CDHR3: variants seen among roughly 807,000 people sequenced by gnomAD.
CDHR3 encodes the protein cadherin-related family member 3.
A neutral mutation model predicts 86.6 loss-of-function variants in CDHR3; 79 were observed. That is an observed-to-expected ratio of 0.91 (90% CI 0.76 to 1.10). The LOEUF is 1.10. Ranked by LOEUF, CDHR3 falls within the 50% of genes least tolerant of loss-of-function variation. The pLI is 0.00. For missense variants in CDHR3, 1,081 were observed against 1,077.6 expected (o/e 1.00, Z -0.04); for synonymous variants, 421 against 402.4 (o/e 1.05, Z -0.55).
intron 4 of CDHR3, among the ~76,000 whole-genome samples, chr7:105,986,423 T>A (rs1830534125): frequency 6.6e-6 from 1 of 152,170 alleles, no homozygotes; most frequent in Non-Finnish European, 1.5e-5. Flanking sequence ...ATGGCAGACA[T>A]TCATGCGTAG....
chr7:106,008,997 G>T (rs1430508414), intron 8 of CDHR3, among the ~76,000 whole-genome samples: 4 of 152,190 alleles, frequency 2.6e-5, no homozygotes, highest in Non-Finnish European at 5.9e-5. Context: ...TGGAGTATGG[G>T]AGGACAGTTT....
chr7:106,014,750 A>G (rs1047148544), intron 9 of CDHR3, among the ~76,000 whole-genome samples: 19 of 152,340 alleles, frequency 1.2e-4, no homozygotes, highest in East Asian at 1.2e-3. Context: ...AAACTGTCAA[A>G]AGCAAAACCA....
chr7:106,008,715 G>A (rs1434753131), intron 8 of CDHR3, among the ~76,000 whole-genome samples: 1 of 152,120 alleles, frequency 6.6e-6, no homozygotes, highest in East Asian at 1.9e-4. Context: ...GGGATGGAGT[G>A]GAGACAATTT....
chr7:105,969,397 CAAAAA>C (rs760242300), intron 1 of CDHR3, among the ~76,000 whole-genome samples: 1 of 79,812 alleles, frequency 1.3e-5, no homozygotes, highest in African/African-American at 5.4e-5. Flanking sequence ...GACTCCGTCT[CAAAAA>C]AAAAAAAAAA....
intron 18 of CDHR3, 102 bp from the exon 19 acceptor site, chr7:106,032,291 C>T: frequency 1.7e-6 from 2 of 1,151,524 alleles, no homozygotes; most frequent in East Asian, 5.2e-5. Context: ...TAGTGTGCTT[C>T]ATCTTCCCTT....
rs1362262786 is a variant in CDHR3 at position 106,028,177 on chromosome 7, TAAAAG to T, written c.2273-373_2273-369del. Among the ~76,000 whole-genome samples, 158 of 128,080 alleles carry T rather than the reference TAAAAG, an allele frequency of 1.2e-3. 2 individuals are homozygous for T. In the Middle Eastern group the frequency reaches 0.013, roughly 10 times the overall value. 84.0% of individuals were successfully genotyped at this position (128,080 alleles called of 152,430 possible). ...TAAAATAAAATAAAATAAAATAAAA[TAAAAG>T]GGCTTGGGAATTAATGCACAAAACC... On this transcript the variant is annotated intron_variant, in intron 16 of 18. Transcript: ENST00000317716.
intron 6 of CDHR3, among the ~76,000 whole-genome samples, chr7:105,997,577 A>G (rs1422975144): frequency 6.6e-6 from 1 of 152,024 alleles, no homozygotes; most frequent in East Asian, 1.9e-4. Flanking sequence ...GTATGGGCCC[A>G]CACAGCTCTG....
chr7:105,994,447 T>C (rs940092958), intron 4 of CDHR3, among the ~76,000 whole-genome samples: 2 of 152,040 alleles, frequency 1.3e-5, no homozygotes, highest in Non-Finnish European at 2.9e-5. Flanking sequence ...GTGATAGGGA[T>C]AAGAAGATTG....
At chr7:106,001,830 A>G (rs769437021) in intron 7 of CDHR3, among the ~76,000 whole-genome samples, 6 of 152,208 alleles carry the variant, frequency 3.9e-5, no homozygotes, top group Non-Finnish European at 7.3e-5. Context: ...TAGATTCCTT[A>G]TAATACCAAA....
chr7:105,976,183 T>G (rs1828779849), intron 2 of CDHR3, among the ~76,000 whole-genome samples: 1 of 152,208 alleles, frequency 6.6e-6, no homozygotes, highest in Admixed American at 6.5e-5. Flanking sequence ...TGCTGCTCCT[T>G]GGTTCCTGTA....
chr7:106,018,528 A>T (rs1159224258), intron 12 of CDHR3, among the ~76,000 whole-genome samples: 1 of 152,102 alleles, frequency 6.6e-6, no homozygotes, highest in East Asian at 1.9e-4. Context: ...GAGCCACTGC[A>T]CCCAGCCCCA....
chr7:105,970,020 A>G (rs1439494936), intron 1 of CDHR3, among the ~76,000 whole-genome samples: 2 of 152,112 alleles, frequency 1.3e-5, no homozygotes, highest in Non-Finnish European at 1.5e-5. Context: ...GTCTGATTCC[A>G]AATCTCTCGT....
intron 8 of CDHR3, among the ~76,000 whole-genome samples, chr7:106,010,422 C>G (rs1834624416): frequency 6.6e-6 from 1 of 152,194 alleles, no homozygotes; most frequent in Non-Finnish European, 1.5e-5. Context: ...TAAGTGGTGT[C>G]TCTTCTAAGT....
chr7:106,028,679 T>C (rs1837756133), intron 17 of CDHR3, 97 bp downstream of exon 17: 12 of 1,336,918 alleles, frequency 9.0e-6, no homozygotes, highest in African/African-American at 1.4e-5. Context: ...TGTGGGCATG[T>C]TTATCATTCA....
intron 8 of CDHR3, among the ~76,000 whole-genome samples, chr7:106,006,177 C>G (rs939288111): frequency 2.0e-5 from 3 of 152,134 alleles, no homozygotes; most frequent in East Asian, 3.9e-4. Flanking sequence ...GAGAACAACT[C>G]AGGAAAGACT....
chr7:105,985,950 T>C (rs1830460409), intron 4 of CDHR3, among the ~76,000 whole-genome samples: 1 of 152,272 alleles, frequency 6.6e-6, no homozygotes, highest in African/African-American at 2.4e-5. Context: ...ATCAGGAGCC[T>C]GGGCTCTTCC....
Position 106,012,888 on chromosome 7 carries a change from G to A in CDHR3, c.1081G>A (p.Gly361Arg). 1 of 1,610,754 alleles carries A rather than the reference G, an allele frequency of 6.2e-7. No individual in the cohort carries two copies. Among genetic ancestry groups the A allele is most frequent in the Non-Finnish European group, 8.5e-7 (1 of 1,178,716 alleles). Residue 361 changes from glycine to arginine, a missense_variant, in exon 9 of 19, where the codon GGG (glycine) becomes AGG (arginine). Coordinates refer to ENST00000317716, the MANE Select transcript of CDHR3 (RefSeq NM_152750.5). The part of the protein sequence containing the change: ...SIMVPERTAK[G>R]TLLLDLNKFC... Reference sequence around the variant, plus strand: ...TATGGTGCCGGAAAGAACAGCCAAGGGGACGTTGCTTCTTGACCTAAACAA... The same window carrying A: ...TATGGTGCCGGAAAGAACAGCCAAGAGGACGTTGCTTCTTGACCTAAACAA...
At position 106,035,002 on chromosome 7, in the gene CDHR3, C is replaced by A. The variant is rs919966563; in HGVS notation, c.*2305C>A. 1.3e-4 allele frequency among the ~76,000 whole-genome samples: 19 copies of A among 151,936 alleles called. No individual in the cohort carries two copies. The highest frequency in any genetic ancestry group is 1.2e-3 in the East Asian group (6 of 5,164). On this transcript the variant is annotated 3_prime_UTR_variant, in exon 19 of 19. Coordinates refer to ENST00000317716, the MANE Select transcript of CDHR3 (RefSeq NM_152750.5). ...GCTGAGGCAAGAGAATCGCTTGAAC[C>A]CAGGAGGCAGAAGTTGCAGTGGGCT...
At chr7:106,011,818 G>A (rs1834853916) in intron 8 of CDHR3, among the ~76,000 whole-genome samples, 3 of 152,178 alleles carry the variant, frequency 2.0e-5, no homozygotes, top group African/African-American at 7.2e-5. Context: ...GAGTTTGGGG[G>A]TAGCTTTACT....
Sources: allele counts gnomAD v4.1 joint callset (sites outside exome capture counted in the v4.1 genomes callset), GRCh38; gene constraint gnomAD v4.1.1; transcripts MANE v1.5; gene names NCBI Gene and HGNC (gene_info 2026-07-23, HGNC 2026-07-21).